The following SCEL variants were observed in gnomAD, a reference collection of about 807,000 sequenced individuals.
SCEL encodes the protein sciellin.
Under a neutral mutation model 117.6 loss-of-function variants are expected in SCEL, and 113 were observed. The observed-to-expected ratio is 0.96, with a 90% CI of 0.83 to 1.12. SCEL has a LOEUF of 1.12. SCEL is among the 50% of genes most tolerant of loss of function. SCEL has a pLI of 0.00. For missense variants in SCEL, 785 were observed against 810.8 expected, an observed-to-expected ratio of 0.97 and a Z score of 0.39; for synonymous variants, 270 against 256.2, an observed-to-expected ratio of 1.05 and a Z score of -0.51.
At chr13:77,561,864 G>A (rs1213194309) in intron 4 of SCEL, among the ~76,000 whole-genome samples, 5 of 152,156 alleles carry the variant, frequency 3.3e-5, no homozygotes, top group African/African-American at 1.2e-4. Flanking sequence ...GGGCAAGGCT[G>A]GCTGGTGGGC....
chr13:77,605,574 C>T (rs1043492992), intron 19 of SCEL, among the ~76,000 whole-genome samples: 3 of 151,998 alleles, frequency 2.0e-5, no homozygotes, highest in African/African-American at 4.8e-5. Flanking sequence ...ATTCTCATGC[C>T]GGGCACATAG....
Position 77,549,607 on chromosome 13 carries a change from G to C in SCEL, c.-19-6250G>C, listed in dbSNP as rs1025748462. ...ACAAATGGGAACTAGGATCCGATCAGAAGACAGAAAGTTTTAAACTAGGAT... is the reference window on the plus strand; with the variant it reads ...ACAAATGGGAACTAGGATCCGATCACAAGACAGAAAGTTTTAAACTAGGAT... On this transcript the variant is annotated intron_variant, in intron 1 of 32. Transcript: ENST00000349847. Among the ~76,000 whole-genome samples, 4 of 152,190 alleles carry C rather than the reference G, an allele frequency of 2.6e-5. No individual in the cohort carries two copies. The South Asian group carries it at 6.2e-4, about 24-fold the overall frequency.
intron 1 of SCEL, among the ~76,000 whole-genome samples, chr13:77,554,212 T>C (rs2084517088): frequency 6.6e-6 from 1 of 152,314 alleles, no homozygotes; most frequent in East Asian, 1.9e-4. Flanking sequence ...AGTCACTGGA[T>C]AGAAGTGATT....
intron 27 of SCEL, among the ~76,000 whole-genome samples, chr13:77,625,095 T>G (rs116848162): frequency 6.6e-6 from 1 of 152,264 alleles, no homozygotes; most frequent in South Asian, 2.1e-4. Context: ...AACAAAGTTC[T>G]AATTGCCCAA....
chr13:77,593,636 C>A, intron 12 of SCEL, 63 bp downstream of exon 12: 1 of 1,228,112 alleles, frequency 8.1e-7, no homozygotes, highest in Non-Finnish European at 1.2e-6. Flanking sequence ...AATGCTTAAC[C>A]ACACCTTTAA....
intron 16 of SCEL, 40 bp downstream of exon 16, chr13:77,602,164 A>G (rs751682113): frequency 4.2e-5 from 66 of 1,555,456 alleles, no homozygotes; most frequent in Non-Finnish European, 5.4e-5. Flanking sequence ...CTTTTTATTC[A>G]GGTTAGCTTT....
At chr13:77,580,691 A>T (rs2086218251) in intron 9 of SCEL, among the ~76,000 whole-genome samples, 2 of 152,218 alleles carry the variant, frequency 1.3e-5, no homozygotes, top group Admixed American at 6.5e-5. Context: ...GTTATTCATT[A>T]TTCTCATTTA....
chr13:77,609,008 T>C, intron 20 of SCEL, 50 bp from the exon 21 acceptor site: 1 of 1,409,286 alleles, frequency 7.1e-7, no homozygotes, highest in Non-Finnish European at 9.8e-7. Context: ...AACAGTCAAT[T>C]GATTTAATTC....
At position 77,599,223 on chromosome 13, in the gene SCEL, A is replaced by G. The variant is rs534474000; in HGVS notation, c.798-106A>G. The G allele has an allele frequency of 4.5e-5, 34 of 757,466 alleles. No individual in the cohort carries two copies. In the South Asian group the frequency reaches 6.3e-4, roughly 14 times the overall value. 46.9% of individuals were successfully genotyped at this position (757,466 alleles called of 1,614,324 possible). A position where few individuals can be genotyped will look rare whatever the true frequency, so the allele number is the denominator to read the frequency against. On this transcript the variant is annotated intron_variant, in intron 13 of 32. Transcript: ENST00000349847. ...CAAGAATTGTAGCTCATCTTCCCCA[A>G]CAAGCTTCTGTTTCCTGTCTTAGAT...
rs774066425 is a variant in SCEL at position 77,642,808 on chromosome 13, G to A, written c.2050G>A (p.Ala684Thr). 5.8e-6 allele frequency: 9 copies of A among 1,550,336 alleles called. No individual in the cohort carries two copies. The South Asian group carries it at 9.3e-5, about 16-fold the overall frequency. ...TGAACCTTGCTACTCTAAAATTATG[G>A]GTAAGTGTTACACTCTAAGCATTTA... ...HCEPCYSKIM[A>T]KWIP The change falls in exon 32 of 33, where the codon GCA becomes ACA. Residue 684 changes from alanine to threonine, a missense_variant and splice_region_variant. By Grantham distance (58) the Ala-to-Thr change is moderately conservative. Transcript: ENST00000349847.
intron 9 of SCEL, among the ~76,000 whole-genome samples, chr13:77,573,638 CATCT>C (rs10565753): frequency 0.3 from 44,601 of 149,704 alleles, 6,602 homozygotes; most frequent in East Asian, 0.39. Flanking sequence ...TCTGTCATTA[CATCT>C]ATCTATCTAT....
At chr13:77,608,470 T>G (rs1413695746) in intron 20 of SCEL, among the ~76,000 whole-genome samples, 2 of 151,876 alleles carry the variant, frequency 1.3e-5, no homozygotes, top group Admixed American at 1.3e-4. Context: ...CATGGTGGAG[T>G]GCACCTATAG....
At chr13:77,627,910 G>A (rs750467756) in intron 27 of SCEL, 37 bp from the exon 28 acceptor site, 2 of 842,890 alleles carry the variant, frequency 2.4e-6, no homozygotes, top group South Asian at 4.0e-5. Flanking sequence ...CTATCATTAT[G>A]TTGTAATTAT....
At chr13:77,573,953 G>A (rs2085794006) in intron 9 of SCEL, among the ~76,000 whole-genome samples, 1 of 152,180 alleles carries the variant, frequency 6.6e-6, no homozygotes. Context: ...AGCTATCTAA[G>A]TGGGGAAAAT....
At chr13:77,634,873 G>A (rs2090200489) in intron 29 of SCEL, among the ~76,000 whole-genome samples, 1 of 152,152 alleles carries the variant, frequency 6.6e-6, no homozygotes, top group South Asian at 2.1e-4. Flanking sequence ...GTGCTATCTT[G>A]GCCCAAGTTA....
intron 1 of SCEL, among the ~76,000 whole-genome samples, chr13:77,546,032 G>A (rs2083968666): frequency 6.6e-6 from 1 of 152,214 alleles, no homozygotes; most frequent in Non-Finnish European, 1.5e-5. Flanking sequence ...GACTACGAGA[G>A]AAAATGAAAC....
chr13:77,537,832 C>T (rs938012241), intron 1 of SCEL, among the ~76,000 whole-genome samples: 1 of 152,144 alleles, frequency 6.6e-6, no homozygotes, highest in African/African-American at 2.4e-5. Flanking sequence ...TTCACGAAGC[C>T]GTCAAATTAA....
intron 10 of SCEL, among the ~76,000 whole-genome samples, chr13:77,590,227 T>G (rs1310775744): frequency 1.3e-5 from 2 of 152,118 alleles, no homozygotes; most frequent in African/African-American, 4.8e-5. Context: ...CATGTAGCAA[T>G]AGGTGTTAAA....
At chr13:77,609,149 A>G (rs573731174) in intron 21 of SCEL, 32 bp downstream of exon 21, 17 of 1,454,474 alleles carry the variant, frequency 1.2e-5, no homozygotes, top group Admixed American at 8.5e-5. Flanking sequence ...TTTTTGTTTC[A>G]TAGTAACCAA....
Sources: allele counts gnomAD v4.1 joint callset (sites outside exome capture counted in the v4.1 genomes callset), GRCh38; gene constraint gnomAD v4.1.1; transcripts MANE v1.5; gene names NCBI Gene and HGNC (gene_info 2026-07-23, HGNC 2026-07-21).